The following INSL6 variants were observed in gnomAD, a reference collection of about 807,000 sequenced individuals.
The protein encoded by INSL6 is insulin-like peptide INSL6.
A neutral mutation model predicts 9.4 loss-of-function variants in INSL6; 16 were observed. That is an observed-to-expected ratio of 1.70 (90% CI 1.15 to 2.59). The LOEUF is 2.59. Among genes scored for constraint, INSL6 ranks in the 30% most tolerant of loss-of-function variants. INSL6 has a pLI of 0.00. For missense variants in INSL6, 391 were observed against 257.3 expected (o/e 1.52, Z -3.56); for synonymous variants, 154 against 96.9 (o/e 1.59, Z -3.46).
chr9:5,065,415 C>G, the INSL6 span, among the ~76,000 whole-genome samples: 16 of 152,154 alleles, frequency 1.1e-4, no homozygotes, highest in Admixed American at 1.0e-3. Flanking sequence ...CCATCTCCTT[C>G]TACTGAAAGG....
chr9:5,090,802 G>A, the INSL6 span: 1 of 1,613,562 alleles, frequency 6.2e-7, no homozygotes, highest in Non-Finnish European at 8.5e-7. Context: ...AAATATATTG[G>A]TGGAGAACGA....
At chr9:5,085,008 G>A in the INSL6 span, 2 of 845,326 alleles carry the variant, frequency 2.4e-6, no homozygotes, top group African/African-American at 1.7e-5. Context: ...TTTATGTCTT[G>A]TGAGTACAAT....
chr9:5,047,666 A>G, the INSL6 span, among the ~76,000 whole-genome samples: 2 of 152,128 alleles, frequency 1.3e-5, no homozygotes, highest in African/African-American at 4.8e-5. Context: ...TTATTTTTTT[A>G]TAGAGATTGA....
chr9:5,154,103 T>C (rs961864428), intron 2 of INSL6, among the ~76,000 whole-genome samples: 3 of 152,080 alleles, frequency 2.0e-5, no homozygotes, highest in Admixed American at 6.5e-5. Flanking sequence ...AGAAACAGCA[T>C]GGTAGTGGTA....
intron 1 of INSL6, among the ~76,000 whole-genome samples, chr9:5,173,975 T>C (rs1235033542): frequency 6.6e-6 from 1 of 152,142 alleles, no homozygotes; most frequent in Non-Finnish European, 1.5e-5. Context: ...TTTAAATTCA[T>C]CTCTTAACAG....
At chr9:5,111,225 C>G in the INSL6 span, 4 of 311,826 alleles carry the variant, frequency 1.3e-5, no homozygotes, top group African/African-American at 1.0e-4. Flanking sequence ...GCAGCTAGCG[C>G]GGGCCTATTC....
At chr9:5,104,535 A>T in the INSL6 span, among the ~76,000 whole-genome samples, 15 of 152,214 alleles carry the variant, frequency 9.9e-5, no homozygotes, top group African/African-American at 3.6e-4. Context: ...ATGGAAAAAG[A>T]GGGAATCCTC....
the INSL6 span, chr9:5,094,539 G>A: frequency 0.52 from 78,874 of 151,788 alleles, 20,653 homozygotes; most frequent in East Asian, 0.55. Flanking sequence ...CACTACTACT[G>A]CTAAGTGGCT....
the INSL6 span, among the ~76,000 whole-genome samples, chr9:5,106,841 T>A: frequency 6.6e-6 from 1 of 151,580 alleles, no homozygotes; most frequent in African/African-American, 2.4e-5. Flanking sequence ...TAGGTGGGAG[T>A]TGAACAATGA....
intron 2 of INSL6, among the ~76,000 whole-genome samples, chr9:5,144,462 G>T (rs1382677072): frequency 6.6e-6 from 1 of 152,154 alleles, no homozygotes; most frequent in African/African-American, 2.4e-5. Context: ...GTGATGAGAT[G>T]AATGTATATT....
At chr9:5,149,072 G>A (rs1209757485) in intron 2 of INSL6, among the ~76,000 whole-genome samples, 1 of 152,186 alleles carries the variant, frequency 6.6e-6, no homozygotes, top group Non-Finnish European at 1.5e-5. Flanking sequence ...CAAAGTCAAA[G>A]GTCCCTAGCT....
At chr9:5,150,547 T>C (rs1416743845) in intron 2 of INSL6, among the ~76,000 whole-genome samples, 1 of 152,186 alleles carries the variant, frequency 6.6e-6, no homozygotes, top group Non-Finnish European at 1.5e-5. Context: ...CTAGTCAGAA[T>C]GGCCATTATT....
At chr9:5,133,230 T>C (rs1390718938) in intron 3 of INSL6, among the ~76,000 whole-genome samples, 2 of 150,982 alleles carry the variant, frequency 1.3e-5, no homozygotes, top group Non-Finnish European at 2.9e-5. Context: ...TGGGGGAGGA[T>C]AATGCAAAAA....
At position 5,185,151 on chromosome 9, in the gene INSL6, G is replaced by C. The variant is rs150429534; in HGVS notation, c.289+163C>G. ...AAGTTAAAAAAAAAAGCGCTTCATT[G>C]AAGTTTTGTATATTTTCAATACACT... is the stretch of plus-strand genomic sequence containing the variant. On this transcript the variant is annotated intron_variant, in intron 1 of 1. Coordinates refer to ENST00000381641, the MANE Select transcript of INSL6 (RefSeq NM_007179.3). Among the ~76,000 whole-genome samples the C allele has an allele frequency of 5.3e-3, 803 of 152,100 alleles. 8 individuals carry two copies. The highest frequency in any genetic ancestry group is 0.019 in the African/African-American group (769 of 41,494).
chr9:5,057,644 G>A, the INSL6 span, among the ~76,000 whole-genome samples: 11 of 142,656 alleles, frequency 7.7e-5, 1 homozygote, highest in African/African-American at 2.5e-4. Context: ...GCACAATGGC[G>A]CGATCTTGGC....
At chr9:5,086,470 C>CTTAT in the INSL6 span, among the ~76,000 whole-genome samples, 3 of 152,146 alleles carry the variant, frequency 2.0e-5, no homozygotes, top group African/African-American at 7.2e-5. Context: ...GAATATGATT[C>CTTAT]TTATTTTCCT....
chr9:5,053,161 A>T, the INSL6 span, among the ~76,000 whole-genome samples: 1 of 151,970 alleles, frequency 6.6e-6, no homozygotes, highest in African/African-American at 2.4e-5. Context: ...TCTGTATTTT[A>T]TCCATCCTAG....
At chr9:5,083,860 T>A in the INSL6 span, among the ~76,000 whole-genome samples, 1 of 152,208 alleles carries the variant, frequency 6.6e-6, no homozygotes, top group Non-Finnish European at 1.5e-5. Flanking sequence ...ACGTTCCATT[T>A]GTTGTAGTCT....
the INSL6 span, among the ~76,000 whole-genome samples, chr9:5,018,182 C>G: frequency 2.0e-5 from 3 of 151,954 alleles, no homozygotes; most frequent in African/African-American, 7.2e-5. Context: ...TCTTTTCTTT[C>G]TCTCATATTG....
Sources: gnomAD v4.1 joint callset for allele counts (sites outside exome capture counted in the v4.1 genomes callset) on GRCh38, gnomAD v4.1.1 for gene constraint, MANE v1.5 for transcripts, NCBI Gene and HGNC (gene_info 2026-07-23, HGNC 2026-07-21) for gene names.